Variants in FBXO47 observed in about 807,000 individuals in gnomAD.
The protein encoded by FBXO47 is F-box protein 47.
FBXO47 carries 34 observed loss-of-function variants against 53.9 expected under a neutral mutation model. That is an observed-to-expected ratio of 0.63 (90% CI 0.48 to 0.84). The LOEUF (loss-of-function observed/expected upper bound fraction) is 0.84, where lower values mean the gene tolerates loss of function less well. Among genes scored for constraint, FBXO47 ranks in the 40% least tolerant of loss-of-function variants. The probability of loss-of-function intolerance (pLI) is 0.00; values close to 1 mark genes in which losing one functional copy is unlikely to be tolerated. For missense variants in FBXO47, 485 were observed against 541.3 expected (o/e 0.90, Z 1.03); for synonymous variants, 165 against 181.6 (o/e 0.91, Z 0.73).
At chr17:38,946,232 A>G (rs1904791015) in intron 6 of FBXO47, among the ~76,000 whole-genome samples, 1 of 111,422 alleles carries the variant, frequency 9.0e-6, no homozygotes, top group Non-Finnish European at 1.6e-5. Flanking sequence ...ATATAAATAT[A>G]TACAAATATA....
intron 9 of FBXO47, 94 bp from the exon 10 acceptor site, chr17:38,938,826 ATT>A: frequency 2.0e-6 from 2 of 1,004,170 alleles, no homozygotes; most frequent in South Asian, 4.0e-5. Context: ...ATAGTTTGTG[ATT>A]TTACATAATT....
intron 1 of FBXO47, among the ~76,000 whole-genome samples, chr17:38,964,182 G>T (rs530701028): frequency 6.6e-6 from 1 of 152,052 alleles, no homozygotes; most frequent in Non-Finnish European, 1.5e-5. Context: ...GCTACTGGCC[G>T]AGTGACGTGA....
chr17:38,946,647 T>A (rs1460595119), intron 6 of FBXO47, among the ~76,000 whole-genome samples: 1 of 73,290 alleles, frequency 1.4e-5, no homozygotes, highest in Non-Finnish European at 2.3e-5. Context: ...TAAATATATA[T>A]AAATATATAT....
intron 6 of FBXO47, among the ~76,000 whole-genome samples, chr17:38,946,121 AATAT>A (rs539904272): frequency 1.8e-5 from 2 of 110,028 alleles, no homozygotes; most frequent in African/African-American, 8.1e-5. Flanking sequence ...TACATAAATA[AATAT>A]ATATACATAT....
intron 10 of FBXO47, among the ~76,000 whole-genome samples, chr17:38,937,770 C>T (rs889864077): frequency 2.6e-5 from 4 of 152,126 alleles, no homozygotes; most frequent in African/African-American, 4.8e-5. Context: ...TGGGTTCAAG[C>T]GATTCTCCTG....
intron 6 of FBXO47, among the ~76,000 whole-genome samples, chr17:38,947,120 ACATATATATAAAT>A (rs1567717789): frequency 2.1e-5 from 3 of 141,456 alleles, no homozygotes; most frequent in Non-Finnish European, 4.6e-5. Flanking sequence ...ATATATATAA[ACATATATATAAAT>A]ATATATATAT....
rs560500785 is a variant in FBXO47 at position 38,940,545 on chromosome 17, G to A, written c.1084-1813C>T. On this transcript the variant is annotated intron_variant, in intron 9 of 10. Coordinates refer to ENST00000378079, the MANE Select transcript of FBXO47 (RefSeq NM_001008777.3). ...CCTCACCTCCTGCTACTCTTCTGCA[G>A]ATTCTACCCTTCAGAAATCATACTG... 1.3e-3 allele frequency among the ~76,000 whole-genome samples: 196 copies of A among 151,994 alleles called. 5 individuals carry two copies. Among genetic ancestry groups the A allele is most frequent in the African/African-American group, 4.2e-3 (172 of 41,314 alleles).
chr17:38,951,625 G>C lies in FBXO47; in HGVS notation c.572C>G (p.Thr191Ser). The change falls in exon 6 of 11, where the codon ACT becomes AGT. Residue 191 changes from threonine (T) to serine (S), a missense_variant. Thr to Ser is a moderately conservative substitution (Grantham distance 58). Transcript: ENST00000378079. ...CATTTGTATCTTGCGGCAGAGATTAGTCAGTTCGCATAAGAAATTATAAAC... is the reference window on the plus strand; with the variant it reads ...CATTTGTATCTTGCGGCAGAGATTACTCAGTTCGCATAAGAAATTATAAAC... ...HRVYNFLCELTNLCRKIQMAV... is the reference protein window; with the variant it reads ...HRVYNFLCELSNLCRKIQMAV... 1 of 1,614,084 alleles carries C rather than the reference G, an allele frequency of 6.2e-7. No homozygotes were observed. Among genetic ancestry groups the C allele is most frequent in the Non-Finnish European group, 8.5e-7 (1 of 1,179,984 alleles).
At chr17:38,938,820 T>C in intron 9 of FBXO47, 88 bp from the exon 10 acceptor site, 1 of 1,096,302 alleles carries the variant, frequency 9.1e-7, no homozygotes, top group East Asian at 2.4e-5. Context: ...ATAATTATAG[T>C]TTGTGATTTT....
chr17:38,960,606 G>A (rs1240644253), intron 3 of FBXO47, among the ~76,000 whole-genome samples: 2 of 150,734 alleles, frequency 1.3e-5, no homozygotes, highest in African/African-American at 2.4e-5. Context: ...TACAACTAAC[G>A]ATGAATTAAA....
chr17:38,943,521 C>A, intron 8 of FBXO47, 69 bp downstream of exon 8: 1 of 1,006,138 alleles, frequency 9.9e-7, no homozygotes, highest in Non-Finnish European at 1.4e-6. Context: ...TAGAATTATC[C>A]TTATAATTTT....
intron 6 of FBXO47, among the ~76,000 whole-genome samples, chr17:38,947,095 CATATATATAAACATATATATATAAA>C (rs1567717729): frequency 3.4e-4 from 45 of 130,812 alleles, no homozygotes; most frequent in African/African-American, 1.2e-3. Context: ...TATATATAAA[CATATATATAAACATATATATATAAA>C]CATATATATA....
At chr17:38,963,764 T>C (rs917597368) in intron 1 of FBXO47, among the ~76,000 whole-genome samples, 1 of 151,832 alleles carries the variant, frequency 6.6e-6, no homozygotes, top group African/African-American at 2.4e-5. Context: ...TTTCTTCTTT[T>C]CTTTGTTGGT....
chr17:38,960,745 C>T (rs1231968978), intron 3 of FBXO47, among the ~76,000 whole-genome samples: 1 of 151,206 alleles, frequency 6.6e-6, no homozygotes. Flanking sequence ...AATTCTCCTG[C>T]CTCAGCCTCC....
intron 7 of FBXO47, among the ~76,000 whole-genome samples, chr17:38,944,291 C>T (rs1170374228): frequency 6.0e-5 from 9 of 150,172 alleles, no homozygotes; most frequent in Non-Finnish European, 1.3e-4. Flanking sequence ...TTGGGGAGGC[C>T]AAGGTGGGAG....
In FBXO47 at chr17:38,954,796, A is replaced by G. The variant is rs1287227040; in HGVS notation, c.507+60T>C. 50 of 920,048 alleles carry G rather than the reference A, an allele frequency of 5.4e-5. No homozygotes were observed. The Admixed American group carries it at 1.2e-3, about 22-fold the overall frequency. The allele number at this position is 920,048 out of a possible 1,614,324, so 57.0% of individuals were successfully genotyped here. A position where few individuals can be genotyped will look rare whatever the true frequency, so the allele number is the denominator to read the frequency against. On this transcript the variant is annotated intron_variant, in intron 5 of 10. Transcript: ENST00000378079. ...TAACCTATGAAAAGAGAGATTGGAT[A>G]TTCTATTTGTTATCAGTTCCAAAGG...
At position 38,962,098 on chromosome 17, in the gene FBXO47, C is replaced by A. The variant is rs771213494; in HGVS notation, c.182-51G>T. The A allele has an allele frequency of 1.3e-5, 19 of 1,419,290 alleles. No homozygotes were observed. The East Asian group carries it at 4.3e-4, about 32-fold the overall frequency. 87.9% of individuals were successfully genotyped at this position (1,419,290 alleles called of 1,614,324 possible). A position where few individuals can be genotyped will look rare whatever the true frequency, so the allele number is the denominator to read the frequency against. On this transcript the variant is annotated intron_variant, in intron 2 of 10. Transcript: ENST00000378079. Reference sequence around the variant, plus strand: ...TGTATCAATGGCTTAAATGCAAGAACGTCACTATTAACACAGTCTATTAAC... The same window carrying A: ...TGTATCAATGGCTTAAATGCAAGAAAGTCACTATTAACACAGTCTATTAAC...
chr17:38,961,377 G>A (rs1254151364), intron 3 of FBXO47, among the ~76,000 whole-genome samples: 1 of 152,186 alleles, frequency 6.6e-6, no homozygotes, highest in Non-Finnish European at 1.5e-5. Context: ...AATTAAGGAA[G>A]AAAGATTATA....
intron 9 of FBXO47, among the ~76,000 whole-genome samples, chr17:38,942,349 C>G (rs1904547795): frequency 6.6e-6 from 1 of 152,100 alleles, no homozygotes; most frequent in Admixed American, 6.5e-5. Flanking sequence ...AATCCCAGCA[C>G]TTTGGGAGGC....
Sources: allele counts gnomAD v4.1 joint callset (sites outside exome capture counted in the v4.1 genomes callset), GRCh38; gene constraint gnomAD v4.1.1; transcripts MANE v1.5; gene names NCBI Gene and HGNC (gene_info 2026-07-23, HGNC 2026-07-21).